The following PCNX2 variants were observed in gnomAD, a reference collection of about 807,000 sequenced individuals.
PCNX2 encodes pecanex 2.
Under a neutral mutation model 223.8 loss-of-function variants are expected in PCNX2, and 168 were observed. The observed-to-expected ratio is 0.75, with a 90% confidence interval of 0.66 to 0.85. The LOEUF (loss-of-function observed/expected upper bound fraction) is 0.85. PCNX2 is among the 40% of genes least tolerant of loss of function. PCNX2 has a pLI of 0.00. For synonymous variants in PCNX2, 1,006 were observed against 1,052.6 expected, an observed-to-expected ratio of 0.96 and a Z score of 0.86; for missense variants, 2,507 against 2,675.5, an observed-to-expected ratio of 0.94 and a Z score of 1.39.
intron 1 of PCNX2, among the ~76,000 whole-genome samples, chr1:233,290,140 A>AG (rs1296596102): frequency 1.4e-5 from 1 of 70,730 alleles, no homozygotes; most frequent in African/African-American, 5.7e-5. Flanking sequence ...GGCCTCAGGA[A>AG]GGGGGTTGGG....
At chr1:233,295,920 C>T (rs1662075865), upstream of PCNX2, among the ~76,000 whole-genome samples, 3 of 86,810 alleles carry the variant, frequency 3.5e-5, no homozygotes, top group South Asian at 1.2e-3. The surrounding 1 kb of genome is among the most constrained non-coding windows in gnomAD (Gnocchi z 4.1). Flanking sequence ...TCCTCCCTCC[C>T]TCTCTCTCTC....
At chr1:233,017,437 C>G (rs1352565095) in intron 26 of PCNX2, among the ~76,000 whole-genome samples, 1 of 151,662 alleles carries the variant, frequency 6.6e-6, no homozygotes, top group Non-Finnish European at 1.5e-5. Context: ...CCTGCCTCAG[C>G]CTCCCAAGTA....
At chr1:233,283,469 G>A (rs1216001534) in intron 1 of PCNX2, among the ~76,000 whole-genome samples, 1 of 152,136 alleles carries the variant, frequency 6.6e-6, no homozygotes, top group Non-Finnish European at 1.5e-5. Flanking sequence ...TACGAGCTAA[G>A]CCAGGAATAT....
intron 25 of PCNX2, among the ~76,000 whole-genome samples, chr1:233,048,062 T>G (rs1299843449): frequency 1.3e-5 from 2 of 152,120 alleles, no homozygotes; most frequent in African/African-American, 2.4e-5. Context: ...GAAGAACTCT[T>G]AAAACCACAT....
chr1:233,235,955 A>AAAAAAAAAT (rs1658366485), intron 9 of PCNX2, among the ~76,000 whole-genome samples: 2 of 41,478 alleles, frequency 4.8e-5, no homozygotes, highest in African/African-American at 1.3e-4. Context: ...ATCATAAAAA[A>AAAAAAAAAT]AAATATATAT....
At chr1:233,318,798 C>A in the PCNX2 span, among the ~76,000 whole-genome samples, 1 of 152,048 alleles carries the variant, frequency 6.6e-6, no homozygotes, top group Non-Finnish European at 1.5e-5. Context: ...AACTCCCGAC[C>A]TGAAGTGATG....
chr1:233,176,809 C>T (rs955314874), intron 17 of PCNX2, among the ~76,000 whole-genome samples: 3 of 152,092 alleles, frequency 2.0e-5, no homozygotes, highest in Non-Finnish European at 2.9e-5. Context: ...GTCAGGAGAT[C>T]GAGACCATCC....
intron 19 of PCNX2, among the ~76,000 whole-genome samples, chr1:233,142,762 TCTCAGTCTCTCTTA>T (rs1677205789): frequency 6.6e-6 from 1 of 152,124 alleles, no homozygotes; most frequent in Non-Finnish European, 1.5e-5. Flanking sequence ...AACTGATACT[TCTCAGTCTCTCTTA>T]CTGGACTTTT....
At chr1:232,995,170 G>GC (rs1262703979) in intron 32 of PCNX2, among the ~76,000 whole-genome samples, 1 of 152,106 alleles carries the variant, frequency 6.6e-6, no homozygotes, top group Non-Finnish European at 1.5e-5. Flanking sequence ...GAATACACCG[G>GC]GGGGCAGAGA....
At position 233,258,763 on chromosome 1, in the gene PCNX2, G is replaced by C. The variant is rs759176916; in HGVS notation, c.1099C>G (p.Pro367Ala). Residue 367 changes from proline (P) to alanine (A), a missense_variant, in exon 5 of 34, where the codon CCA becomes GCA. This residue lies in a region of PCNX2 where 1,031 missense variants were observed against 1,021.7 expected (regional missense o/e 1.01). Transcript: ENST00000258229. ...TTTATGGGCTCATGTAGACTCAGTG[G>C]GTCTCCGGGTTGAGAAGTATCGATG... Reference protein sequence around the residue: ...TLIDTSQPGDPLSLHEPIKIV... With the variant: ...TLIDTSQPGDALSLHEPIKIV... The C allele has an allele frequency of 1.2e-6, 2 of 1,613,868 alleles. No homozygotes were observed. The highest frequency in any genetic ancestry group is 1.7e-5 in the Admixed American group (1 of 60,024).
chr1:233,078,049 G>A (rs180809404), intron 23 of PCNX2, among the ~76,000 whole-genome samples: 63 of 152,304 alleles, frequency 4.1e-4, no homozygotes, highest in African/African-American at 1.5e-3. Context: ...GTAAGGCCTG[G>A]GCAAGGTCTT....
chr1:233,053,930 G>A (rs562256857), intron 25 of PCNX2, among the ~76,000 whole-genome samples: 2 of 152,240 alleles, frequency 1.3e-5, no homozygotes, highest in South Asian at 4.2e-4. Flanking sequence ...ACAGAACAAG[G>A]TCGGGCTGAC....
intron 9 of PCNX2, among the ~76,000 whole-genome samples, chr1:233,230,245 G>A (rs560229667): frequency 4.4e-4 from 67 of 152,244 alleles, no homozygotes; most frequent in African/African-American, 1.5e-3. Context: ...AGAGAGTGTA[G>A]GACTGACATC....
the PCNX2 span, among the ~76,000 whole-genome samples, chr1:233,301,795 CT>C: frequency 2.4e-3 from 323 of 132,424 alleles, 1 homozygote; most frequent in Middle Eastern, 0.012. Context: ...AGGGAACAAG[CT>C]TTTTTTTTTT....
intron 8 of PCNX2, among the ~76,000 whole-genome samples, chr1:233,242,528 C>T (rs559335592): frequency 7.2e-5 from 11 of 152,166 alleles, no homozygotes; most frequent in East Asian, 3.9e-4. Flanking sequence ...CTTATGACAC[C>T]GTAAAAGCCA....
intron 15 of PCNX2, among the ~76,000 whole-genome samples, chr1:233,198,577 A>G (rs1331938694): frequency 2.0e-5 from 3 of 152,200 alleles, no homozygotes; most frequent in African/African-American, 7.2e-5. Flanking sequence ...ATCTAGCTTT[A>G]AGCAATTGTA....
At chr1:233,054,182 TA>T in intron 25 of PCNX2, 85 bp downstream of exon 25, 2 of 1,270,582 alleles carry the variant, frequency 1.6e-6, no homozygotes, top group East Asian at 5.0e-5. Context: ...TTTTCCTGTT[TA>T]ACAGTGACTT....
intron 1 of PCNX2, among the ~76,000 whole-genome samples, chr1:233,292,885 T>A (rs1481941624): frequency 6.6e-6 from 1 of 152,166 alleles, no homozygotes; most frequent in East Asian, 1.9e-4. Flanking sequence ...CTATAATAGT[T>A]AAAGGCATGC....
rs1397714142 is a variant in PCNX2, at chr1:233,295,180, C to G, written c.153+146G>C. 1 of 1,181,706 alleles carries G rather than the reference C, an allele frequency of 8.5e-7. No homozygotes were observed. The highest frequency in any genetic ancestry group is 1.2e-6 in the Non-Finnish European group (1 of 843,634). The allele number at this position is 1,181,706 out of a possible 1,614,324, so 73.2% of individuals were successfully genotyped here. ...TCCCCTTTCCCTGCATGTTCTCTGT[C>G]CCAAATTTCTGAAGCCCCTCCCTTT... On this transcript the variant is annotated intron_variant, in intron 1 of 33. Transcript: ENST00000258229. This position sits in a 1 kb window ranked among gnomAD's most constrained non-coding sequence, Gnocchi z 4.1.
Sources: allele counts gnomAD v4.1 joint callset (sites outside exome capture counted in the v4.1 genomes callset), GRCh38; gene constraint gnomAD v4.1.1; regional missense constraint gnomAD v4.1.1; non-coding constraint Gnocchi (gnomAD v3.1); transcripts MANE v1.5; gene names NCBI Gene and HGNC (gene_info 2026-07-23, HGNC 2026-07-21).